The following RNF212B variants were observed in gnomAD, a reference collection of about 807,000 sequenced individuals.
RNF212B encodes the protein ring finger protein 212B, also known as E3 ubiquitin-protein ligase RNF212B.
A neutral mutation model predicts 55.5 loss-of-function variants in RNF212B; 52 were observed. The ratio of observed to expected loss-of-function variants is 0.94; its 90% confidence interval spans 0.75 to 1.18. RNF212B has a LOEUF of 1.18. Ranked by LOEUF, RNF212B falls within the 50% of genes most tolerant of loss-of-function variation. RNF212B has a pLI of 0.00. For missense variants in RNF212B, 289 were observed against 350.4 expected, an observed-to-expected ratio of 0.82 and a Z score of 1.40; for synonymous variants, 99 against 121.4, an observed-to-expected ratio of 0.82 and a Z score of 1.21.
chr14:23,204,022 T>G (rs35983702), intron 2 of RNF212B, among the ~76,000 whole-genome samples: 1 of 152,024 alleles, frequency 6.6e-6, no homozygotes, highest in Admixed American at 6.6e-5. Flanking sequence ...GTATATCTTC[T>G]CTTGAGAATT....
At chr14:23,262,246 T>C (rs979538775) in intron 7 of RNF212B, among the ~76,000 whole-genome samples, 5 of 152,170 alleles carry the variant, frequency 3.3e-5, no homozygotes, top group East Asian at 1.9e-4. Context: ...CTAGGAAATA[T>C]AGACCCAAAT....
chr14:23,239,626 T>C (rs1426055523), intron 1 of RNF212B, among the ~76,000 whole-genome samples: 1 of 152,092 alleles, frequency 6.6e-6, no homozygotes, highest in African/African-American at 2.4e-5. Context: ...TTTTTCTTTT[T>C]CTTTTTTTTT....
intron 2 of RNF212B, 59 bp downstream of exon 2, chr14:23,240,504 G>A (rs1883492449): frequency 2.8e-6 from 3 of 1,075,634 alleles, no homozygotes; most frequent in Admixed American, 2.1e-5. Context: ...AGGATGTAAG[G>A]AGTAGCCATT....
At chr14:23,240,105 A>T (rs980430166) in intron 1 of RNF212B, among the ~76,000 whole-genome samples, 3 of 151,214 alleles carry the variant, frequency 2.0e-5, no homozygotes, top group Admixed American at 1.3e-4. Flanking sequence ...ATATATATAT[A>T]CACACACACA....
chr14:23,216,279 T>C (rs1381509525), intron 2 of RNF212B, among the ~76,000 whole-genome samples: 3 of 151,080 alleles, frequency 2.0e-5, no homozygotes, highest in African/African-American at 7.3e-5. Flanking sequence ...CAAAACAAAA[T>C]CTATACAAGA....
chr14:23,271,627 C>T (rs2140493693), intron 14 of RNF212B, among the ~76,000 whole-genome samples: 1 of 152,008 alleles, frequency 6.6e-6, no homozygotes, highest in South Asian at 2.1e-4. Flanking sequence ...TTCCAAGATG[C>T]CCTTTATTTT....
At chr14:23,221,113 G>A (rs1283032643) in intron 2 of RNF212B, among the ~76,000 whole-genome samples, 1 of 151,438 alleles carries the variant, frequency 6.6e-6, no homozygotes, top group African/African-American at 2.4e-5. Context: ...CAGGCCAGGC[G>A]CAGTGGCTCA....
intron 2 of RNF212B, 25 bp downstream of exon 2, chr14:23,240,470 T>C (rs757781657): frequency 6.8e-7 from 1 of 1,459,882 alleles, no homozygotes; most frequent in South Asian, 1.2e-5. Flanking sequence ...TGTTTTCAGA[T>C]TCAGGGAAAA....
chr14:23,217,258 G>C (rs553439862), intron 2 of RNF212B, among the ~76,000 whole-genome samples: 2 of 138,088 alleles, frequency 1.4e-5, no homozygotes, highest in East Asian at 4.4e-4. Context: ...GCAGTGGTGG[G>C]GGGGGGGCTC....
At chr14:23,194,305 C>T (rs893123518) in intron 2 of RNF212B, among the ~76,000 whole-genome samples, 3 of 152,032 alleles carry the variant, frequency 2.0e-5, no homozygotes, top group African/African-American at 7.2e-5. Context: ...AAAGAACACT[C>T]AAGAAGATAT....
Position 23,257,849 on chromosome 14 carries a change from G to A in RNF212B, c.229-700G>A, listed in dbSNP as rs977507132. On this transcript the variant is annotated intron_variant, in intron 4 of 14. Transcript: ENST00000430154. ...GCAGCCTGCAGGTGACTCTGTAGGT[G>A]TCTTTAGGGAAAATAAATTGGTCAC... 3.3e-5 allele frequency among the ~76,000 whole-genome samples: 5 copies of A among 152,264 alleles called. No individual in the cohort carries two copies. The East Asian group carries it at 5.8e-4, about 18-fold the overall frequency.
chr14:23,232,765 G>A (rs1174415656), intron 2 of RNF212B, among the ~76,000 whole-genome samples: 167 of 138,594 alleles, frequency 1.2e-3, no homozygotes, highest in African/African-American at 4.3e-3. Context: ...CCGGCCAGCC[G>A]CCCCGTCTGG....
At chr14:23,226,846 T>C (rs1226235512) in intron 2 of RNF212B, among the ~76,000 whole-genome samples, 5 of 148,344 alleles carry the variant, frequency 3.4e-5, no homozygotes, top group African/African-American at 1.2e-4. Context: ...GAGGTCTATG[T>C]TGCTCAGGCT....
At chr14:23,262,555 C>A in intron 7 of RNF212B, 110 bp from the exon 8 acceptor site, 1 of 939,324 alleles carries the variant, frequency 1.1e-6, no homozygotes. Context: ...GCAATTTGTC[C>A]TCAGAGAGGA....
Position 23,264,603 on chromosome 14 carries a change from G to A in RNF212B, c.586-20G>A, listed in dbSNP as rs1392057866. ...AACTGAGATATATTTATTAATTGAT[G>A]CTTATTATTTGTCTATCAGGGAGGC... On this transcript the variant is annotated intron_variant, in intron 10 of 14. Transcript: ENST00000430154. 8 of 1,320,808 alleles carry A rather than the reference G, an allele frequency of 6.1e-6. No homozygotes were observed. The African/African-American group carries it at 1.1e-4, about 17-fold the overall frequency. The allele number at this position is 1,320,808 out of a possible 1,614,324, so 81.8% of individuals were successfully genotyped here. A position where few individuals can be genotyped will look rare whatever the true frequency, so the allele number is the denominator to read the frequency against.
At chr14:23,226,185 T>C (rs1049939508) in intron 2 of RNF212B, among the ~76,000 whole-genome samples, 6 of 149,210 alleles carry the variant, frequency 4.0e-5, no homozygotes, top group Non-Finnish European at 7.4e-5. Context: ...GTAATCCCAG[T>C]TACTCGGGAG....
intron 9 of RNF212B, among the ~76,000 whole-genome samples, chr14:23,263,811 G>T (rs1885481471): frequency 6.6e-6 from 1 of 152,172 alleles, no homozygotes; most frequent in African/African-American, 2.4e-5. Flanking sequence ...TCTGAGGCTG[G>T]GTACAGTAGC....
chr14:23,235,699 T>C (rs560023148), upstream of RNF212B, among the ~76,000 whole-genome samples: 6 of 152,348 alleles, frequency 3.9e-5, no homozygotes, highest in East Asian at 3.9e-4. Context: ...ATTTTTTATA[T>C]TGTGTAATGA....
At chr14:23,270,041 G>A (rs1781726981) in intron 13 of RNF212B, 81 bp downstream of exon 13, 2 of 832,492 alleles carry the variant, frequency 2.4e-6, no homozygotes, top group African/African-American at 3.4e-5. Flanking sequence ...AAGATGACAA[G>A]ATGTTGAGGT....
Sources: allele counts gnomAD v4.1 joint callset (sites outside exome capture counted in the v4.1 genomes callset), GRCh38; gene constraint gnomAD v4.1.1; transcripts MANE v1.5; gene names NCBI Gene and HGNC (gene_info 2026-07-23, HGNC 2026-07-21).